The following FNDC1 variants were observed in gnomAD, a reference collection of about 807,000 sequenced individuals.
FNDC1 encodes fibronectin type III domain-containing protein 1.
In FNDC1, 96 loss-of-function variants were observed where a neutral mutation model predicts 168.0. That is an observed-to-expected ratio of 0.57 (90% confidence interval 0.48 to 0.68). The LOEUF (loss-of-function observed/expected upper bound fraction) is 0.68, where lower values mean the gene tolerates loss of function less well. Among genes scored for constraint, FNDC1 ranks in the 30% least tolerant of loss-of-function variants. FNDC1 has a pLI of 0.00. For missense variants in FNDC1, 2,587 were observed against 2,482.1 expected, an observed-to-expected ratio of 1.04 and a Z score of -0.90; for synonymous variants, 1,099 against 1,025.9, an observed-to-expected ratio of 1.07 and a Z score of -1.36.
At chr6:159,257,512 C>T (rs1466917076) in intron 18 of FNDC1, among the ~76,000 whole-genome samples, 1 of 152,120 alleles carries the variant, frequency 6.6e-6, no homozygotes, top group Non-Finnish European at 1.5e-5. Context: ...ATTTGCCTAG[C>T]AAAGAGCTCG....
At chr6:159,211,582 G>A (rs1390062812) in intron 4 of FNDC1, among the ~76,000 whole-genome samples, 1 of 151,026 alleles carries the variant, frequency 6.6e-6, no homozygotes, top group Non-Finnish European at 1.5e-5. Context: ...TTTTTTTAGT[G>A]CCCCTGTATG....
chr6:159,251,229 G>A, intron 16 of FNDC1, 73 bp from the exon 17 acceptor site: 1 of 1,149,466 alleles, frequency 8.7e-7, no homozygotes, highest in South Asian at 1.4e-5. Flanking sequence ...CTGACTCTGT[G>A]GAACAGATGC....
chr6:159,216,949 CCTCTTCCCTTACCTGGT>C (rs1782721232), intron 5 of FNDC1, among the ~76,000 whole-genome samples: 1 of 152,198 alleles, frequency 6.6e-6, no homozygotes, highest in Non-Finnish European at 1.5e-5. Context: ...TCTGGAGGGG[CCTCTTCCCTTACCTGGT>C]CTCTTCCCTT....
intron 6 of FNDC1, 147 bp downstream of exon 6, chr6:159,221,843 T>G (rs1782831933): frequency 5.9e-6 from 4 of 681,488 alleles, no homozygotes; most frequent in Non-Finnish European, 1.0e-5. Flanking sequence ...ATTTTGGGTG[T>G]AAGCGTGCTG....
At chr6:159,177,487 G>A (rs117541561) in intron 1 of FNDC1, among the ~76,000 whole-genome samples, 2,528 of 152,212 alleles carry the variant, frequency 0.017, 23 homozygotes, top group Non-Finnish European at 0.026. Flanking sequence ...GTCAGGTGTG[G>A]TGTCCTAGGA....
intron 2 of FNDC1, among the ~76,000 whole-genome samples, chr6:159,199,769 T>C (rs1384893853): frequency 6.6e-6 from 1 of 152,248 alleles, no homozygotes; most frequent in Non-Finnish European, 1.5e-5. Context: ...TTGTATGAAA[T>C]AAAGTTTATG....
At chr6:159,223,714 AT>A in intron 7 of FNDC1, 69 bp downstream of exon 7, 1 of 872,090 alleles carries the variant, frequency 1.1e-6, no homozygotes, top group East Asian at 2.6e-5. Context: ...AAAGACATGT[AT>A]TTAATGATTT....
intron 15 of FNDC1, among the ~76,000 whole-genome samples, chr6:159,247,657 G>A (rs1777165632): frequency 6.6e-6 from 1 of 152,162 alleles, no homozygotes; most frequent in Non-Finnish European, 1.5e-5. Flanking sequence ...GCTGAGACAG[G>A]TGGATTGTTT....
At chr6:159,243,782 T>C (rs1384849231) in intron 14 of FNDC1, among the ~76,000 whole-genome samples, 21 of 152,336 alleles carry the variant, frequency 1.4e-4, no homozygotes, top group Admixed American at 1.4e-3. Context: ...TATTTTTACT[T>C]GGAGCCAGGA....
chr6:159,209,624 T>G (rs906163874), intron 4 of FNDC1, among the ~76,000 whole-genome samples: 1 of 152,206 alleles, frequency 6.6e-6, no homozygotes, highest in Non-Finnish European at 1.5e-5. Flanking sequence ...ATTGGATGCT[T>G]GCTGTGGGCA....
At position 159,214,395 on chromosome 6, in the gene FNDC1, G is replaced by A. The variant is rs138090568; in HGVS notation, c.461-550G>A. 2.3e-3 allele frequency among the ~76,000 whole-genome samples: 350 copies of A among 152,342 alleles called. 17 individuals carry two copies. The East Asian group carries it at 0.06, about 26-fold the overall frequency. On this transcript the variant is annotated intron_variant, in intron 4 of 22. Transcript: ENST00000297267. ...AACAACAGACACAGAGGATAGCAGC[G>A]ATGGTGTAGCATGGCCAGGCTTTGT...
intron 14 of FNDC1, among the ~76,000 whole-genome samples, chr6:159,241,409 G>A (rs1195537295): frequency 6.6e-6 from 1 of 151,796 alleles, no homozygotes; most frequent in African/African-American, 2.4e-5. Flanking sequence ...ACTTTTATTT[G>A]GCATGAAAGT....
intron 5 of FNDC1, among the ~76,000 whole-genome samples, chr6:159,220,119 G>A (rs866661539): frequency 2.6e-5 from 4 of 152,160 alleles, no homozygotes; most frequent in East Asian, 1.9e-4. Context: ...AGTATCACCC[G>A]CTTTCTCTCT....
At chr6:159,171,587 T>G (rs1781661558) in intron 1 of FNDC1, among the ~76,000 whole-genome samples, 1 of 152,228 alleles carries the variant, frequency 6.6e-6, no homozygotes, top group Non-Finnish European at 1.5e-5. Context: ...CGAGGGACTT[T>G]GCTTAAAGCA....
At chr6:159,238,924 C>T (rs1324396035) in intron 13 of FNDC1, among the ~76,000 whole-genome samples, 13 of 152,192 alleles carry the variant, frequency 8.5e-5, no homozygotes, top group East Asian at 5.8e-4. Flanking sequence ...AGGAGGGGTC[C>T]GCAAACTACA....
chr6:159,227,625 G>T, intron 9 of FNDC1, among the ~76,000 whole-genome samples: 1 of 145,168 alleles, frequency 6.9e-6, no homozygotes. Context: ...TTAAAGAATA[G>T]ATTGTACTAT....
chr6:159,260,071 C>G (rs1466536612), intron 18 of FNDC1, among the ~76,000 whole-genome samples: 1 of 152,214 alleles, frequency 6.6e-6, no homozygotes, highest in Non-Finnish European at 1.5e-5. Flanking sequence ...GTGTGCCTGA[C>G]TTAATCAAAT....
chr6:159,205,234 A>G (rs1313127656), intron 4 of FNDC1, among the ~76,000 whole-genome samples: 5 of 152,228 alleles, frequency 3.3e-5, no homozygotes, highest in Admixed American at 3.3e-4. Flanking sequence ...AAAGTTTGGC[A>G]TTGTAAAGAT....
rs1783171597 is a variant in FNDC1 at position 159,233,829 on chromosome 6, C to A, written c.3317C>A (p.Ser1106Tyr). 1.9e-6 allele frequency: 3 copies of A among 1,542,648 alleles called. No individual in the cohort carries two copies. Among genetic ancestry groups the A allele is most frequent in the African/African-American group, 2.7e-5 (2 of 72,814 alleles). Residue 1106 changes from serine (S) to tyrosine (Y), a missense_variant, in exon 11 of 23, where the codon TCC becomes TAC. Coordinates refer to ENST00000297267, the MANE Select transcript of FNDC1 (RefSeq NM_032532.3). The surrounding 1 kb of genome is among the most constrained non-coding windows in gnomAD (Gnocchi z 4.6). ...GCGCGCGCCAAGGAGGCAGCTGCGT[C>A]CCTTCCCAAGCACCAGCAGGTGGAG... ...HAARAKEAAA[S>Y]LPKHQQVESP...
Sources: gnomAD v4.1 joint callset for allele counts (sites outside exome capture counted in the v4.1 genomes callset) on GRCh38, gnomAD v4.1.1 for gene constraint, Gnocchi (gnomAD v3.1) non-coding constraint, MANE v1.5 for transcripts, NCBI Gene and HGNC (gene_info 2026-07-23, HGNC 2026-07-21) for gene names.